DAB1: variants seen among roughly 807,000 people sequenced by gnomAD.
DAB1 encodes disabled homolog 1.
In DAB1, 15 loss-of-function variants were observed where a neutral mutation model predicts 64.6. The observed-to-expected ratio is 0.23, with a 90% CI of 0.16 to 0.36. DAB1 has a LOEUF of 0.36. Ranked by LOEUF, DAB1 falls within the 10% of genes least tolerant of loss-of-function variation. The pLI is 1.00. For missense variants in DAB1, 596 were observed against 706.7 expected (o/e 0.84, Z 1.78); for synonymous variants, 235 against 251.9 (o/e 0.93, Z 0.64).
intron 1 of DAB1, among the ~76,000 whole-genome samples, chr1:57,338,922 A>AT (rs1558194315): frequency 2.0e-5 from 3 of 152,152 alleles, no homozygotes; most frequent in Admixed American, 6.5e-5. Context: ...TTTAGAAGCT[A>AT]TAAGTCCGAA....
At chr1:57,597,045 C>T (rs7543546) in intron 7 of DAB1, among the ~76,000 whole-genome samples, 65,854 of 152,010 alleles carry the variant, frequency 0.43, 16,244 homozygotes, top group Non-Finnish European at 0.55. Flanking sequence ...AGTGTTTATC[C>T]CAGGCCCTTT....
At chr1:58,400,408 A>G (rs1188544935) in intron 3 of DAB1, among the ~76,000 whole-genome samples, 1 of 152,176 alleles carries the variant, frequency 6.6e-6, no homozygotes, top group African/African-American at 2.4e-5. Context: ...GCATGATTCA[A>G]GGGTGGCTGT....
At chr1:57,581,463 A>G (rs1487840251) in intron 7 of DAB1, among the ~76,000 whole-genome samples, 2 of 152,098 alleles carry the variant, frequency 1.3e-5, no homozygotes, top group Non-Finnish European at 2.9e-5. Context: ...TAGTCTGGTA[A>G]ATTGTGCCAC....
chr1:58,220,052 T>A (rs1261952716), intron 4 of DAB1, among the ~76,000 whole-genome samples: 2 of 152,272 alleles, frequency 1.3e-5, no homozygotes, highest in Non-Finnish European at 2.9e-5. Context: ...TGACACTGCC[T>A]GACCAGTAAA....
At chr1:57,494,527 C>T (rs1455779346) in intron 7 of DAB1, among the ~76,000 whole-genome samples, 2 of 152,202 alleles carry the variant, frequency 1.3e-5, no homozygotes, top group Non-Finnish European at 2.9e-5. Context: ...CTGAGAATCC[C>T]ATTTGTGTCT....
intron 7 of DAB1, among the ~76,000 whole-genome samples, chr1:57,523,833 G>A (rs570007020): frequency 5.3e-5 from 8 of 152,142 alleles, no homozygotes; most frequent in Non-Finnish European, 1.0e-4. Context: ...GCTGAGGCAC[G>A]AGAATTGCTT....
intron 7 of DAB1, among the ~76,000 whole-genome samples, chr1:57,589,797 G>A (rs576451330): frequency 1.3e-3 from 199 of 152,196 alleles, no homozygotes; most frequent in Non-Finnish European, 2.5e-3. Flanking sequence ...AGAAATAAAA[G>A]TAGCCAATGC....
chr1:58,081,953 C>T (rs1424084044), intron 5 of DAB1, among the ~76,000 whole-genome samples: 1 of 151,944 alleles, frequency 6.6e-6, no homozygotes, highest in Admixed American at 6.6e-5. Flanking sequence ...ACTCTGAGCC[C>T]ATGAAAAAAG....
intron 6 of DAB1, among the ~76,000 whole-genome samples, chr1:57,683,838 A>T (rs1379556523): frequency 6.6e-6 from 1 of 152,234 alleles, no homozygotes; most frequent in Non-Finnish European, 1.5e-5. Context: ...AATGAGATTC[A>T]GGAGAAAATT....
intron 6 of DAB1, among the ~76,000 whole-genome samples, chr1:57,746,872 T>C (rs567760521): frequency 6.6e-6 from 1 of 152,312 alleles, no homozygotes; most frequent in African/African-American, 2.4e-5. Flanking sequence ...ATACCATTTT[T>C]TTTTTGTCTT....
intron 3 of DAB1, among the ~76,000 whole-genome samples, chr1:58,439,837 A>G (rs2100263985): frequency 6.6e-6 from 1 of 152,352 alleles, no homozygotes; most frequent in East Asian, 1.9e-4. Flanking sequence ...GACCATCACT[A>G]TCATTAGAAG....
At chr1:57,155,214 G>C (rs948249754) in intron 2 of DAB1, among the ~76,000 whole-genome samples, 1 of 152,204 alleles carries the variant, frequency 6.6e-6, no homozygotes, top group East Asian at 1.9e-4. Context: ...TATGGCAAGA[G>C]AAAGGGTCTA....
intron 3 of DAB1, among the ~76,000 whole-genome samples, chr1:58,491,019 G>C (rs1158136557): frequency 6.6e-6 from 1 of 151,604 alleles, no homozygotes; most frequent in Non-Finnish European, 1.5e-5. Context: ...ATGTTAGCCA[G>C]GATGGTCTCA....
At chr1:57,161,268 T>C (rs192081456) in intron 2 of DAB1, among the ~76,000 whole-genome samples, 11 of 152,268 alleles carry the variant, frequency 7.2e-5, no homozygotes, top group African/African-American at 2.4e-4. Context: ...TCAGATAATG[T>C]AAACTAATAC....
intron 9 of DAB1, 70 bp downstream of exon 9, chr1:57,062,814 G>A (rs547516826): frequency 4.3e-5 from 55 of 1,286,296 alleles, no homozygotes; most frequent in East Asian, 3.9e-4. Flanking sequence ...GTTTCCTTCC[G>A]CAGGCTGTAG....
At chr1:57,255,242 G>C (rs1437293136) in intron 2 of DAB1, among the ~76,000 whole-genome samples, 1 of 152,164 alleles carries the variant, frequency 6.6e-6, no homozygotes, top group Admixed American at 6.5e-5. Flanking sequence ...AGTTTATACA[G>C]GTTGAGCCAA....
At chr1:57,959,921 G>GT (rs994271062) in intron 5 of DAB1, among the ~76,000 whole-genome samples, 2 of 152,260 alleles carry the variant, frequency 1.3e-5, no homozygotes, top group East Asian at 1.9e-4. Context: ...TTTATAAACA[G>GT]TTTTTTTCAC....
intron 4 of DAB1, among the ~76,000 whole-genome samples, chr1:58,277,859 T>C (rs1427767873): frequency 6.6e-6 from 1 of 152,194 alleles, no homozygotes; most frequent in Non-Finnish European, 1.5e-5. Flanking sequence ...GCTATCAACA[T>C]AACCCCCATC....
At chr1:57,838,135 AT>A (rs2101912025) in intron 1 of DAB1, among the ~76,000 whole-genome samples, 1 of 152,140 alleles carries the variant, frequency 6.6e-6, no homozygotes, top group South Asian at 2.1e-4. Flanking sequence ...CCCTTTTTCT[AT>A]CACTTGGAGC....
Sources: allele counts gnomAD v4.1 joint callset (sites outside exome capture counted in the v4.1 genomes callset), GRCh38; gene constraint gnomAD v4.1.1; transcripts MANE v1.5; gene names NCBI Gene and HGNC (gene_info 2026-07-23, HGNC 2026-07-21).